Variants in ZNF644 observed in about 807,000 individuals in gnomAD.
ZNF644 encodes the protein zinc finger motif enhancer binding protein 2.
ZNF644 carries 20 observed loss-of-function variants against 108.0 expected under a neutral mutation model. That is an observed-to-expected ratio of 0.19 (90% CI 0.13 to 0.27). The LOEUF is 0.27. Ranked by LOEUF, ZNF644 falls within the 10% of genes least tolerant of loss-of-function variation. The pLI is 1.00. For synonymous variants in ZNF644, 542 were observed against 539.1 expected (o/e 1.01, Z -0.08); for missense variants, 1,338 against 1,548.9 (o/e 0.86, Z 2.29).
chr1:90,992,026 G>A (rs775055273), intron 1 of ZNF644, among the ~76,000 whole-genome samples: 2 of 151,874 alleles, frequency 1.3e-5, no homozygotes, highest in Admixed American at 6.6e-5. Flanking sequence ...AATACGTTGA[G>A]TTAAAAAAAA....
intron 4 of ZNF644, among the ~76,000 whole-genome samples, chr1:90,925,980 C>G (rs1649988138): frequency 6.6e-6 from 1 of 152,060 alleles, no homozygotes; most frequent in Admixed American, 6.6e-5. Flanking sequence ...TAAAGCAAGT[C>G]TCGTTAGGTC....
intron 2 of ZNF644, among the ~76,000 whole-genome samples, chr1:90,974,282 T>C (rs1266791397): frequency 1.3e-5 from 2 of 151,992 alleles, no homozygotes; most frequent in East Asian, 1.9e-4. Flanking sequence ...TGGGCCAAGA[T>C]TGCGCCACTG....
In ZNF644 at chr1:90,939,461, A is replaced by G; in HGVS notation, c.1893T>C (p.Leu631=). ...LGLDKRKNDI[L]EEPVDSDSTK... ...TGCTATCACTATCTACAGGTTCTTCAAGGATGTCATTTTTTCTTTTATCAA... is the reference window on the plus strand; with the variant it reads ...TGCTATCACTATCTACAGGTTCTTCGAGGATGTCATTTTTTCTTTTATCAA... Residue 631 remains leucine, a synonymous_variant, in exon 3 of 6, where the codon CTT becomes CTC. Coordinates refer to ENST00000337393, the MANE Select transcript of ZNF644 (RefSeq NM_201269.3). 1 of 1,613,806 alleles carries G rather than the reference A, an allele frequency of 6.2e-7. No individual in the cohort carries two copies.
chr1:90,978,765 T>C lies in ZNF644; in HGVS notation c.44+3545A>G, dbSNP rs1399745815. On this transcript the variant is annotated intron_variant, in intron 2 of 5. Coordinates refer to ENST00000337393, the MANE Select transcript of ZNF644 (RefSeq NM_201269.3). Reference sequence around the variant, plus strand: ...GTGGAGACATGTAAGTTAGGCAATCTCAAGGTTAAATTTCTCTGGCTCCTC... The same window carrying C: ...GTGGAGACATGTAAGTTAGGCAATCCCAAGGTTAAATTTCTCTGGCTCCTC... Among the ~76,000 whole-genome samples, 5 of 151,588 alleles carry C rather than the reference T, an allele frequency of 3.3e-5. No individual in the cohort carries two copies. The East Asian group carries it at 7.7e-4, about 23-fold the overall frequency.
intron 4 of ZNF644, chr1:90,935,551 A>G: frequency 4.1e-6 from 4 of 985,862 alleles, no homozygotes; most frequent in Non-Finnish European, 4.8e-6. Flanking sequence ...AAAGAAAACT[A>G]TAATCCAGTT....
At chr1:90,959,598 T>TA (rs150294149) in intron 2 of ZNF644, among the ~76,000 whole-genome samples, 1,702 of 152,270 alleles carry the variant, frequency 0.011, 14 homozygotes, top group South Asian at 0.021. Context: ...ACTTGCCAAG[T>TA]AAAAGAAGCC....
intron 2 of ZNF644, among the ~76,000 whole-genome samples, chr1:90,953,492 T>C (rs1357934510): frequency 6.6e-6 from 1 of 151,628 alleles, no homozygotes; most frequent in Admixed American, 6.6e-5. Flanking sequence ...CATTTACCTA[T>C]GTAACCAACC....
At chr1:90,949,589 CA>C (rs1266820006) in intron 2 of ZNF644, among the ~76,000 whole-genome samples, 1 of 150,626 alleles carries the variant, frequency 6.6e-6, no homozygotes, top group Non-Finnish European at 1.5e-5. Context: ...AAACTCAGAT[CA>C]AAAGAAATAA....
At position 90,978,836 on chromosome 1, in the gene ZNF644, TA is replaced by T. The variant is rs74910043; in HGVS notation, c.44+3473del. On this transcript the variant is annotated intron_variant, in intron 2 of 5. Coordinates refer to ENST00000337393, the MANE Select transcript of ZNF644 (RefSeq NM_201269.3). Reference sequence around the variant, plus strand: ...CTAAACACACTTCACAATCAGGATTTAAAAAAAAAAAAAAAGAACCAAGGTC... The same window carrying T: ...CTAAACACACTTCACAATCAGGATTTAAAAAAAAAAAAAAGAACCAAGGTC... Among the ~76,000 whole-genome samples the T allele has an allele frequency of 7.7e-3, 1,057 of 137,050 alleles. 2 individuals are homozygous for T. Among genetic ancestry groups the T allele is most frequent in the Admixed American group, 0.014 (186 of 13,648 alleles). 89.9% of individuals were successfully genotyped at this position (137,050 alleles called of 152,430 possible).
chr1:90,976,015 T>C (rs1655972930), intron 2 of ZNF644, among the ~76,000 whole-genome samples: 1 of 152,310 alleles, frequency 6.6e-6, no homozygotes, highest in Non-Finnish European at 1.5e-5. Context: ...GTTCAAATAA[T>C]AAATTCCTAA....
At chr1:90,990,687 C>A (rs1657554063) in intron 1 of ZNF644, among the ~76,000 whole-genome samples, 1 of 152,078 alleles carries the variant, frequency 6.6e-6, no homozygotes, top group African/African-American at 2.4e-5. Flanking sequence ...ATGATTAGAG[C>A]AACTCTGTGT....
chr1:90,955,437 A>G (rs79870513), intron 2 of ZNF644, among the ~76,000 whole-genome samples: 3,031 of 152,306 alleles, frequency 0.02, 80 homozygotes, highest in African/African-American at 0.069. Flanking sequence ...TCTTGTAGAA[A>G]GCTGTTTCAT....
At chr1:90,945,384 G>GAAA (rs1242505037) in intron 2 of ZNF644, among the ~76,000 whole-genome samples, 1 of 151,932 alleles carries the variant, frequency 6.6e-6, no homozygotes, top group Non-Finnish European at 1.5e-5. Context: ...TCAATTTCTA[G>GAAA]AAAATCATAA....
chr1:90,992,700 G>A (rs1657761991), intron 1 of ZNF644, among the ~76,000 whole-genome samples: 1 of 152,184 alleles, frequency 6.6e-6, no homozygotes, highest in African/African-American at 2.4e-5. Flanking sequence ...GCCCAATTCT[G>A]TTTCACCTCG....
intron 4 of ZNF644, among the ~76,000 whole-genome samples, chr1:90,926,298 G>A (rs1387629393): frequency 1.3e-5 from 2 of 152,188 alleles, no homozygotes; most frequent in Non-Finnish European, 2.9e-5. Context: ...TGGGATGTAT[G>A]TAACATGGAG....
intron 2 of ZNF644, among the ~76,000 whole-genome samples, chr1:90,952,541 C>G (rs1040720898): frequency 1.3e-5 from 2 of 151,298 alleles, no homozygotes; most frequent in Admixed American, 1.3e-4. Context: ...AAGCTTCCAA[C>G]AGAAACAGAA....
intron 2 of ZNF644, among the ~76,000 whole-genome samples, chr1:90,956,077 G>C (rs1289585321): frequency 6.6e-6 from 1 of 152,192 alleles, no homozygotes; most frequent in Non-Finnish European, 1.5e-5. Flanking sequence ...AGGAGAGGGA[G>C]AGAGACAGGC....
At chr1:90,977,539 G>T (rs1299555053) in intron 2 of ZNF644, among the ~76,000 whole-genome samples, 1 of 152,128 alleles carries the variant, frequency 6.6e-6, no homozygotes, top group Non-Finnish European at 1.5e-5. Context: ...TTTAAAAAAT[G>T]CCCAGTAAAA....
intron 2 of ZNF644, among the ~76,000 whole-genome samples, chr1:90,967,712 T>G (rs1655060404): frequency 1.3e-5 from 2 of 151,976 alleles, no homozygotes; most frequent in Non-Finnish European, 2.9e-5. Context: ...ATTGCATATT[T>G]CTGGGTAGCC....
Sources: allele counts gnomAD v4.1 joint callset (sites outside exome capture counted in the v4.1 genomes callset), GRCh38; gene constraint gnomAD v4.1.1; transcripts MANE v1.5; gene names NCBI Gene and HGNC (gene_info 2026-07-23, HGNC 2026-07-21).